Variants in ATP9A observed in about 807,000 individuals in gnomAD.
ATP9A encodes probable phospholipid-transporting ATPase IIA.
ATP9A carries 52 observed loss-of-function variants against 144.1 expected under a neutral mutation model. The ratio of observed to expected loss-of-function variants is 0.36; its 90% confidence interval spans 0.29 to 0.45. The LOEUF is 0.45. Ranked by LOEUF, ATP9A falls within the 20% of genes least tolerant of loss-of-function variation. ATP9A has a pLI of 1.00. For missense variants in ATP9A, 947 were observed against 1,392.7 expected (o/e 0.68, Z 5.09); for synonymous variants, 582 against 557.4 (o/e 1.04, Z -0.62).
chr20:51,671,316 T>A (rs1174445117), intron 11 of ATP9A, 59 bp from the exon 12 acceptor site: 1 of 1,572,116 alleles, frequency 6.4e-7, no homozygotes, highest in East Asian at 2.3e-5. Context: ...CCTTGTATCT[T>A]TATAAAAACA....
At chr20:51,701,532 C>CA (rs1171746257) in intron 4 of ATP9A, among the ~76,000 whole-genome samples, 2 of 152,160 alleles carry the variant, frequency 1.3e-5, no homozygotes, top group Admixed American at 1.3e-4. Flanking sequence ...TCTGCCTCAA[C>CA]AAAAACCCCT....
At chr20:51,728,621 C>T (rs1444839372) in intron 2 of ATP9A, among the ~76,000 whole-genome samples, 1 of 62,506 alleles carries the variant, frequency 1.6e-5, no homozygotes, top group African/African-American at 6.2e-5. Context: ...AGCGAGACTC[C>T]ATCTCAAAAA....
chr20:51,691,885 T>C (rs1181821241), intron 7 of ATP9A, among the ~76,000 whole-genome samples: 2 of 152,212 alleles, frequency 1.3e-5, no homozygotes. Context: ...AAGTGTGGTC[T>C]GTCCATACAA....
At chr20:51,728,311 G>T (rs141322568) in intron 2 of ATP9A, among the ~76,000 whole-genome samples, 3 of 152,202 alleles carry the variant, frequency 2.0e-5, no homozygotes, top group Non-Finnish European at 4.4e-5. Flanking sequence ...AACCAGCAAT[G>T]AATATAGTCA....
chr20:51,758,241 G>A (rs1233872875), intron 1 of ATP9A, among the ~76,000 whole-genome samples: 4 of 152,164 alleles, frequency 2.6e-5, no homozygotes, highest in Non-Finnish European at 2.9e-5. Flanking sequence ...AGAGAAAACA[G>A]ATACTAGTTG....
chr20:51,717,844 C>T (rs1004023612), intron 3 of ATP9A, among the ~76,000 whole-genome samples: 1 of 151,758 alleles, frequency 6.6e-6, no homozygotes, highest in Non-Finnish European at 1.5e-5. Context: ...ATCTCAGCTA[C>T]TTAGGGGGCT....
chr20:51,740,281 C>T (rs556444190), intron 1 of ATP9A, among the ~76,000 whole-genome samples: 12 of 151,628 alleles, frequency 7.9e-5, no homozygotes, highest in African/African-American at 2.9e-4. Context: ...TGGTCTCAAA[C>T]TCCTGGGCTC....
chr20:51,669,961 A>T, intron 13 of ATP9A, 36 bp downstream of exon 13: 1 of 1,500,550 alleles, frequency 6.7e-7, no homozygotes, highest in Non-Finnish European at 9.3e-7. Context: ...AAAAAAGTCA[A>T]AGAATTGTTT....
intron 1 of ATP9A, among the ~76,000 whole-genome samples, chr20:51,742,899 CTG>C (rs1263457324): frequency 6.6e-6 from 1 of 152,272 alleles, no homozygotes; most frequent in East Asian, 1.9e-4. Context: ...TGAAGGGAAA[CTG>C]AAAAATAAAT....
intron 14 of ATP9A, among the ~76,000 whole-genome samples, chr20:51,641,951 C>T (rs1213085200): frequency 1.3e-5 from 2 of 151,996 alleles, no homozygotes; most frequent in Non-Finnish European, 1.5e-5. Flanking sequence ...GCCTCCCCTA[C>T]TCCCCCTAAA....
At chr20:51,604,782 G>C (rs1472688918) in intron 27 of ATP9A, 35 bp downstream of exon 27, 6 of 1,439,826 alleles carry the variant, frequency 4.2e-6, no homozygotes, top group Non-Finnish European at 5.5e-6. Flanking sequence ...TTCACTGGGG[G>C]TGACGGACGG....
intron 1 of ATP9A, among the ~76,000 whole-genome samples, chr20:51,766,266 G>C (rs1365705930): frequency 1.3e-5 from 2 of 152,164 alleles, no homozygotes; most frequent in African/African-American, 4.8e-5. Context: ...GGTCTAGAAT[G>C]AATCAGAAAA....
intron 15 of ATP9A, among the ~76,000 whole-genome samples, chr20:51,632,886 G>A (rs2077275215): frequency 6.6e-6 from 1 of 152,174 alleles, no homozygotes; most frequent in African/African-American, 2.4e-5. Context: ...ACTTTGGGGG[G>A]CCGAGGCTGG....
At chr20:51,651,370 A>G (rs1233374328) in intron 14 of ATP9A, among the ~76,000 whole-genome samples, 1 of 96,722 alleles carries the variant, frequency 1.0e-5, no homozygotes, top group Non-Finnish European at 2.3e-5. Context: ...CATTATATAT[A>G]TTTCTTTACA....
chr20:51,693,415 C>T (rs975855629), intron 7 of ATP9A, among the ~76,000 whole-genome samples: 12 of 152,184 alleles, frequency 7.9e-5, no homozygotes, highest in African/African-American at 2.2e-4. Context: ...GCACTGAGGT[C>T]GGAGCCTCTG....
chr20:51,752,812 A>G (rs1243248042), intron 1 of ATP9A, among the ~76,000 whole-genome samples: 5 of 152,156 alleles, frequency 3.3e-5, no homozygotes, highest in African/African-American at 1.2e-4. Context: ...GAATGAAAAC[A>G]TTACCTGTGG....
At chr20:51,641,985 T>C (rs1434602347) in intron 14 of ATP9A, among the ~76,000 whole-genome samples, 1 of 148,236 alleles carries the variant, frequency 6.7e-6, no homozygotes, top group Non-Finnish European at 1.5e-5. Flanking sequence ...GAGAGGAAAG[T>C]GGGAGGGCCT....
chr20:51,614,621 G>A (rs1393550809), intron 22 of ATP9A, among the ~76,000 whole-genome samples: 1 of 152,094 alleles, frequency 6.6e-6, no homozygotes, highest in Non-Finnish European at 1.5e-5. Flanking sequence ...ATTTTAAAAG[G>A]CAGTGACAGC....
intron 13 of ATP9A, among the ~76,000 whole-genome samples, chr20:51,658,888 C>CCG (rs796375461): frequency 1.8e-5 from 1 of 54,826 alleles, no homozygotes; most frequent in African/African-American, 8.4e-5. Flanking sequence ...AGACCACTGG[C>CCG]GGGGGGGGGG....
Sources: allele counts gnomAD v4.1 joint callset (sites outside exome capture counted in the v4.1 genomes callset), GRCh38; gene constraint gnomAD v4.1.1; transcripts MANE v1.5; gene names NCBI Gene and HGNC (gene_info 2026-07-23, HGNC 2026-07-21).